BTC: variants seen among roughly 807,000 people sequenced by gnomAD.
BTC encodes the protein betacellulin.
A neutral mutation model predicts 18.1 loss-of-function variants in BTC; 13 were observed. The ratio of observed to expected loss-of-function variants is 0.72; its 90% CI spans 0.47 to 1.14. The LOEUF (loss-of-function observed/expected upper bound fraction) is 1.14. Among genes scored for constraint, BTC ranks in the 50% most tolerant of loss-of-function variants. The pLI is 0.00. For synonymous variants in BTC, 83 were observed against 79.4 expected (o/e 1.05, Z -0.24); for missense variants, 247 against 224.2 (o/e 1.10, Z -0.65).
chr4:74,758,950 TAC>T (rs370397248), intron 2 of BTC, among the ~76,000 whole-genome samples: 142 of 151,012 alleles, frequency 9.4e-4, no homozygotes, highest in African/African-American at 3.3e-3. Flanking sequence ...CACATAAATA[TAC>T]ACACACACAC....
intron 2 of BTC, among the ~76,000 whole-genome samples, chr4:74,764,182 G>A (rs1191060208): frequency 6.6e-6 from 1 of 152,006 alleles, no homozygotes; most frequent in African/African-American, 2.4e-5. Flanking sequence ...AGAGATAAAT[G>A]TAAAAGCTAA....
At chr4:74,784,246 A>G (rs866537699) in intron 1 of BTC, among the ~76,000 whole-genome samples, 12 of 151,660 alleles carry the variant, frequency 7.9e-5, no homozygotes, top group Middle Eastern at 6.8e-3. Flanking sequence ...AAAAAAAAAA[A>G]AAAGAAAAAA....
At chr4:74,753,755 C>T (rs782092442) in intron 3 of BTC, among the ~76,000 whole-genome samples, 1 of 152,084 alleles carries the variant, frequency 6.6e-6, no homozygotes, top group Middle Eastern at 3.4e-3. Context: ...GAGGATGAGG[C>T]AGGAGAGGCA....
At chr4:74,749,506 A>G (rs997941061) in intron 4 of BTC, among the ~76,000 whole-genome samples, 1 of 150,418 alleles carries the variant, frequency 6.6e-6, no homozygotes, top group Non-Finnish European at 1.5e-5. Context: ...AAATAAATAA[A>G]TAAATAAATA....
At chr4:74,769,390 G>A (rs73825042) in intron 2 of BTC, among the ~76,000 whole-genome samples, 4,886 of 152,200 alleles carry the variant, frequency 0.032, 244 homozygotes, top group African/African-American at 0.11. Context: ...TCTAACTAAA[G>A]TTTTACTGAA....
intron 1 of BTC, among the ~76,000 whole-genome samples, chr4:74,792,848 T>C (rs535013779): frequency 3.9e-5 from 6 of 152,338 alleles, no homozygotes; most frequent in Non-Finnish European, 7.3e-5. Context: ...TTCTCCCTTT[T>C]CTGATTCCGT....
chr4:74,778,328 C>G (rs1008357439), intron 1 of BTC, among the ~76,000 whole-genome samples: 28 of 152,136 alleles, frequency 1.8e-4, no homozygotes, highest in African/African-American at 6.8e-4. Context: ...ACTCTAAAAT[C>G]TGGAGTGCCT....
In BTC at chr4:74,746,080, T is replaced by C. The variant is rs754467518; in HGVS notation, c.*597A>G. The stretch of plus-strand genomic sequence containing the variant: ...CTTGGGTTATATTATTGAGTTAGGT[T>C]GCACCGATTCAGACTAACAAAAATG... On this transcript the variant is annotated 3_prime_UTR_variant, in exon 6 of 6. Coordinates refer to ENST00000395743, the MANE Select transcript of BTC (RefSeq NM_001729.4). The C allele has an allele frequency of 2.6e-5, 4 of 152,208 alleles. No individual in the cohort carries two copies. The highest frequency in any genetic ancestry group is 5.9e-5 in the Non-Finnish European group (4 of 68,026). The allele number at this position is 152,208 out of a possible 1,614,324, so 9.4% of individuals were successfully genotyped here.
chr4:74,749,483 A>AAAATAAATAAATAAATAAATAAATAAAT (rs10654944), intron 4 of BTC, among the ~76,000 whole-genome samples: 2 of 143,666 alleles, frequency 1.4e-5, no homozygotes, highest in African/African-American at 5.2e-5. Context: ...ACTCTGTCTC[A>AAAATAAATAAATAAATAAATAAATAAAT]AAATAAATAA....
At chr4:74,794,174 G>C in intron 1 of BTC, 88 bp downstream of exon 1, 1 of 1,509,748 alleles carries the variant, frequency 6.6e-7, no homozygotes, top group Non-Finnish European at 9.0e-7. Flanking sequence ...CTCTTGTCCA[G>C]ATGCCAGCTC....
In BTC at chr4:74,749,745, C is replaced by CAA. The variant is rs71220725; in HGVS notation, c.428+826_428+827dup. ...CATACTTGGTGTTAGTCCTGCTCTG[C>CAA]AAAAAAAAAAAAAAAAAAAGTTCCC... On this transcript the variant is annotated intron_variant, in intron 4 of 5. Coordinates refer to ENST00000395743, the MANE Select transcript of BTC (RefSeq NM_001729.4). 2.8e-3 allele frequency among the ~76,000 whole-genome samples: 151 copies of CAA among 54,774 alleles called. 2 individuals are homozygous for CAA. The highest frequency in any genetic ancestry group is 4.4e-3 in the African/African-American group (57 of 12,844). 35.9% of individuals were successfully genotyped at this position (54,774 alleles called of 152,430 possible). A position where few individuals can be genotyped will look rare whatever the true frequency, so the allele number is the denominator to read the frequency against.
chr4:74,793,096 TC>T (rs1471450654), intron 1 of BTC, among the ~76,000 whole-genome samples: 1 of 152,244 alleles, frequency 6.6e-6, no homozygotes, highest in Non-Finnish European at 1.5e-5. Context: ...GGCAAAAGCA[TC>T]AGTACTATTT....
At chr4:74,750,421 T>A in intron 4 of BTC, 152 bp downstream of exon 4, 1 of 685,362 alleles carries the variant, frequency 1.5e-6, no homozygotes, top group South Asian at 2.7e-5. Context: ...TTATTATGAA[T>A]ACTTCTATAT....
At chr4:74,792,949 A>G (rs1725673220) in intron 1 of BTC, among the ~76,000 whole-genome samples, 1 of 152,230 alleles carries the variant, frequency 6.6e-6, no homozygotes, top group Admixed American at 6.5e-5. Flanking sequence ...TAGGAATCTC[A>G]TGAGCCCTTT....
At chr4:74,778,724 T>C (rs1011646975) in intron 1 of BTC, among the ~76,000 whole-genome samples, 4 of 152,118 alleles carry the variant, frequency 2.6e-5, no homozygotes, top group African/African-American at 9.7e-5. Context: ...TTCTGACCCC[T>C]TGGTGACAGA....
intron 1 of BTC, among the ~76,000 whole-genome samples, chr4:74,774,487 G>A (rs1402353566): frequency 6.6e-6 from 1 of 151,888 alleles, no homozygotes. Context: ...GCTATTTACT[G>A]TTATAAGCCT....
chr4:74,788,555 A>G (rs1725542100), intron 1 of BTC, among the ~76,000 whole-genome samples: 1 of 152,240 alleles, frequency 6.6e-6, no homozygotes, highest in Non-Finnish European at 1.5e-5. Flanking sequence ...GACTTTTCTC[A>G]TTAATGTTTA....
chr4:74,774,791 G>A (rs866473412), intron 1 of BTC, among the ~76,000 whole-genome samples: 1 of 152,056 alleles, frequency 6.6e-6, no homozygotes, highest in African/African-American at 2.4e-5. Flanking sequence ...GCTAAGTTGA[G>A]ACCACTGAAA....
rs116414053 is a variant in BTC at position 74,777,303 on chromosome 4, A to T, written c.65-7147T>A. ...GAAAAGAAGGTGGAGGGTAGAAATTATGCGTTTGTAACTTAGGTAATGCCT... is the reference window on the plus strand; with the variant it reads ...GAAAAGAAGGTGGAGGGTAGAAATTTTGCGTTTGTAACTTAGGTAATGCCT... On this transcript the variant is annotated intron_variant, in intron 1 of 5. Coordinates refer to ENST00000395743, the MANE Select transcript of BTC (RefSeq NM_001729.4). Among the ~76,000 whole-genome samples the T allele has an allele frequency of 4.0e-3, 603 of 152,306 alleles. 7 individuals carry two copies. Among genetic ancestry groups the T allele is most frequent in the African/African-American group, 0.014 (579 of 41,576 alleles).
Sources: gnomAD v4.1 joint callset for allele counts (sites outside exome capture counted in the v4.1 genomes callset) on GRCh38, gnomAD v4.1.1 for gene constraint, MANE v1.5 for transcripts, NCBI Gene and HGNC (gene_info 2026-07-23, HGNC 2026-07-21) for gene names.